EVC: variants seen among roughly 807,000 people sequenced by gnomAD.
EVC encodes the protein EvC ciliary complex subunit 1.
In EVC, 116 loss-of-function variants were observed where a neutral mutation model predicts 118.9. That is an observed-to-expected ratio of 0.98 (90% CI 0.84 to 1.14). The LOEUF is 1.14. EVC is among the 50% of genes most tolerant of loss of function. The pLI, the probability that EVC is intolerant of heterozygous loss-of-function variation, is 0.00. For synonymous variants in EVC, 619 were observed against 534.7 expected, an observed-to-expected ratio of 1.16 and a Z score of -2.18; for missense variants, 1,401 against 1,246.4, an observed-to-expected ratio of 1.12 and a Z score of -1.87.
At chr4:5,823,582 G>A in the EVC span, among the ~76,000 whole-genome samples, 1 of 152,358 alleles carries the variant, frequency 6.6e-6, no homozygotes, top group South Asian at 2.1e-4. Flanking sequence ...CTTGGTGTCA[G>A]CCTTACAGTA....
Position 5,754,113 on chromosome 4 carries a change from A to G in EVC, c.1464+180A>G, listed in dbSNP as rs1333508924. On this transcript the variant is annotated intron_variant, in intron 10 of 20. Transcript: ENST00000264956. This position sits in a 1 kb window ranked among gnomAD's most constrained non-coding sequence, Gnocchi z 5.8. ...CCCTACATCCCTAGGGTCCTAGTGG[A>G]CTGTAAGCTGGTGATAAGAGTTGTG... 1.3e-5 allele frequency among the ~76,000 whole-genome samples: 2 copies of G among 152,106 alleles called. No individual in the cohort carries two copies. The highest frequency in any genetic ancestry group is 4.8e-5 in the African/African-American group (2 of 41,414).
At position 5,756,116 on chromosome 4, in the gene EVC, C is replaced by T. The variant is rs1731127169; in HGVS notation, c.1465-148C>T. ...ATCAGCTGTGAAAGCCATGTGACAG[C>T]CCCATGCCTCAGTTTCCTTGTGTGT... On this transcript the variant is annotated intron_variant, in intron 10 of 20. Transcript: ENST00000264956. The surrounding 1 kb of genome is among the most constrained non-coding windows in gnomAD (Gnocchi z 4.2). 1.5e-6 allele frequency: 1 copy of T among 679,068 alleles called. No homozygotes were observed. Among genetic ancestry groups the T allele is most frequent in the East Asian group, 2.7e-5 (1 of 36,384 alleles). The allele number at this position is 679,068 out of a possible 1,614,324, so 42.1% of individuals were successfully genotyped here. A position where few individuals can be genotyped will look rare whatever the true frequency, so the allele number is the denominator to read the frequency against.
rs1441564126 is a variant in EVC at position 5,814,067 on chromosome 4, G to T, written c.*3030G>T. On this transcript the variant is annotated 3_prime_UTR_variant, in exon 21 of 21. Transcript: ENST00000264956. Reference sequence around the variant, plus strand: ...CGGGGCTGCCCTGAAGCTGATGAAGGCTTGAAGGACGGAAGGGCTGAGCCA... The same window carrying T: ...CGGGGCTGCCCTGAAGCTGATGAAGTCTTGAAGGACGGAAGGGCTGAGCCA... 7 of 152,312 alleles carry T rather than the reference G, an allele frequency of 4.6e-5. No homozygotes were observed. Among genetic ancestry groups the T allele is most frequent in the African/African-American group, 1.7e-4 (7 of 41,470 alleles). 9.4% of individuals were successfully genotyped at this position (152,312 alleles called of 1,614,324 possible).
At position 5,749,348 on chromosome 4, in the gene EVC, A is replaced by G. The variant is rs1730000350; in HGVS notation, c.1098+1042A>G. Among the ~76,000 whole-genome samples, 1 of 151,822 alleles carries G rather than the reference A, an allele frequency of 6.6e-6. No individual in the cohort carries two copies. The highest frequency in any genetic ancestry group is 2.4e-5 in the African/African-American group (1 of 41,320). ...AACGATAGCTGATGAGCGGAAAAAA[A>G]AAAAAAAAAAAAGGTCCCTCCTTAT... is the stretch of plus-strand genomic sequence containing the variant. On this transcript the variant is annotated intron_variant, in intron 8 of 20. Coordinates refer to ENST00000264956, the MANE Select transcript of EVC (RefSeq NM_153717.3). The surrounding 1 kb of genome is among the most constrained non-coding windows in gnomAD (Gnocchi z 4.4).
rs1727909951 is a variant in EVC, at chr4:5,737,667, G to C, written c.703-4049G>C. Among the ~76,000 whole-genome samples, 1 of 152,136 alleles carries C rather than the reference G, an allele frequency of 6.6e-6. No homozygotes were observed. Among genetic ancestry groups the C allele is most frequent in the South Asian group, 2.1e-4 (1 of 4,818 alleles). On this transcript the variant is annotated intron_variant, in intron 5 of 20. Coordinates refer to ENST00000264956, the MANE Select transcript of EVC (RefSeq NM_153717.3). The surrounding 1 kb of genome is among the most constrained non-coding windows in gnomAD (Gnocchi z 5.0). ...TCTATAAGTGGAACAACAAAGCCTG[G>C]ATCACAACACAGCTGTTTATAGCAT...
intron 11 of EVC, among the ~76,000 whole-genome samples, chr4:5,779,073 C>G (rs1577544742): frequency 6.6e-6 from 1 of 152,172 alleles, no homozygotes; most frequent in Non-Finnish European, 1.5e-5. Context: ...AGCCAGTTTT[C>G]CCAGCACCAT....
intron 12 of EVC, among the ~76,000 whole-genome samples, chr4:5,784,205 C>T (rs1365222823): frequency 6.6e-6 from 1 of 151,996 alleles, no homozygotes; most frequent in Admixed American, 6.6e-5. Context: ...TGTTCCCTTA[C>T]AGGGCAAAAG....
chr4:5,790,594 G>A (rs886697145), intron 12 of EVC, among the ~76,000 whole-genome samples: 2 of 152,240 alleles, frequency 1.3e-5, no homozygotes, highest in African/African-American at 4.8e-5. Flanking sequence ...GAGCATGGTG[G>A]ATTTAGAAAA....
At chr4:5,822,278 T>G in the EVC span, among the ~76,000 whole-genome samples, 3 of 152,336 alleles carry the variant, frequency 2.0e-5, no homozygotes, top group Admixed American at 2.0e-4. Flanking sequence ...CCACGTGTCT[T>G]GCGGGACACA....
intron 1 of EVC, among the ~76,000 whole-genome samples, chr4:5,713,870 T>C (rs772823879): frequency 1.6e-4 from 24 of 152,164 alleles, no homozygotes; most frequent in Non-Finnish European, 3.2e-4. Flanking sequence ...GCCATTGCAC[T>C]CCAGCCTGGG....
At chr4:5,824,908 G>C in the EVC span, 1 of 985,400 alleles carries the variant, frequency 1.0e-6, no homozygotes. Flanking sequence ...AAGTCAGGAG[G>C]GATCAGGTCA....
rs770254165 is a variant in EVC, at chr4:5,756,515, C to T, written c.1563+153C>T. 6.6e-6 allele frequency among the ~76,000 whole-genome samples: 1 copy of T among 152,308 alleles called. No individual in the cohort carries two copies. Among genetic ancestry groups the T allele is most frequent in the East Asian group, 1.9e-4 (1 of 5,178 alleles). On this transcript the variant is annotated intron_variant, in intron 11 of 20. Transcript: ENST00000264956. This position sits in a 1 kb window ranked among gnomAD's most constrained non-coding sequence, Gnocchi z 4.2. ...CCACGCAGGCTGTGTCCCCTCCATG[C>T]GATCCTCCTTGCCCACATCAGAAAC...
downstream of EVC, among the ~76,000 whole-genome samples, chr4:5,816,203 C>T (rs867221094): frequency 3.3e-5 from 5 of 152,168 alleles, no homozygotes; most frequent in African/African-American, 4.8e-5. Flanking sequence ...TCCTGCCCAC[C>T]GACATAGCCT....
In EVC at chr4:5,773,078, C is replaced by T. The variant is rs573337398; in HGVS notation, c.1564-10474C>T. Among the ~76,000 whole-genome samples the T allele has an allele frequency of 1.6e-4, 24 of 152,304 alleles. No homozygotes were observed. The East Asian group carries it at 1.7e-3, about 11-fold the overall frequency. On this transcript the variant is annotated intron_variant, in intron 11 of 20. Coordinates refer to ENST00000264956, the MANE Select transcript of EVC (RefSeq NM_153717.3). ...CTGGGTCCACACCTGCCTCGGTCAC[C>T]GCAGTGTCCCTGGCACAGGGCCTTG...
the EVC span, chr4:5,821,837 C>A: frequency 1.3e-6 from 2 of 1,589,412 alleles, no homozygotes. The surrounding 1 kb of genome is among the most constrained non-coding windows in gnomAD (Gnocchi z 4.4). Context: ...GGATTGTTGT[C>A]ATCTATCTGG....
At chr4:5,728,137 G>T (rs943196087) in intron 2 of EVC, among the ~76,000 whole-genome samples, 7 of 152,256 alleles carry the variant, frequency 4.6e-5, no homozygotes, top group African/African-American at 1.7e-4. Context: ...GTTGGGGATG[G>T]CATTGAATCT....
At chr4:5,759,068 A>G (rs1208024826) in intron 11 of EVC, among the ~76,000 whole-genome samples, 1 of 84,508 alleles carries the variant, frequency 1.2e-5, no homozygotes, top group African/African-American at 4.0e-5. Flanking sequence ...CATGTTGTGG[A>G]GGGCGGTGGG....
intron 3 of EVC, 103 bp downstream of exon 3, chr4:5,729,493 T>G: frequency 4.2e-6 from 5 of 1,192,304 alleles, no homozygotes; most frequent in Non-Finnish European, 6.2e-6. Flanking sequence ...TGGTCCTGTT[T>G]GAGGGTTTTA....
At position 5,772,531 on chromosome 4, in the gene EVC, CAAG is replaced by C. The variant is rs556676995; in HGVS notation, c.1564-11014_1564-11012del. 2.9e-3 allele frequency among the ~76,000 whole-genome samples: 438 copies of C among 152,204 alleles called. 2 individuals carry two copies. The highest frequency in any genetic ancestry group is 9.5e-3 in the African/African-American group (393 of 41,502). ...ACCCCAGAATGCCTCCTGTTGTTCTCAAGAAGAAGTCCAACATCCTTAATCTGG... is the reference window on the plus strand; with the variant it reads ...ACCCCAGAATGCCTCCTGTTGTTCTCAAGAAGTCCAACATCCTTAATCTGG... On this transcript the variant is annotated intron_variant, in intron 11 of 20. Transcript: ENST00000264956.
Sources: gnomAD v4.1 joint callset for allele counts (sites outside exome capture counted in the v4.1 genomes callset) on GRCh38, gnomAD v4.1.1 for gene constraint, Gnocchi (gnomAD v3.1) non-coding constraint, MANE v1.5 for transcripts, NCBI Gene and HGNC (gene_info 2026-07-23, HGNC 2026-07-21) for gene names.